AGBL3: variants seen among roughly 807,000 people sequenced by gnomAD.
AGBL3 encodes the protein cytosolic carboxypeptidase 3.
In AGBL3, 68 loss-of-function variants were observed where a neutral mutation model predicts 94.5. That is an observed-to-expected ratio of 0.72 (90% CI 0.59 to 0.88). AGBL3 has a LOEUF of 0.88. Among genes scored for constraint, AGBL3 ranks in the 40% least tolerant of loss-of-function variants. AGBL3 has a pLI of 0.00. For missense variants in AGBL3, 934 were observed against 1,103.8 expected (o/e 0.85, Z 2.18); for synonymous variants, 354 against 370.7 (o/e 0.95, Z 0.52).
intron 16 of AGBL3, among the ~76,000 whole-genome samples, chr7:135,118,340 C>T (rs542327760): frequency 1.6e-4 from 25 of 152,132 alleles, no homozygotes; most frequent in Admixed American, 4.6e-4. Flanking sequence ...CTAAAAATCA[C>T]GCCATGTCCT....
chr7:135,085,751 C>T (rs1053781286), intron 15 of AGBL3, among the ~76,000 whole-genome samples: 2 of 151,872 alleles, frequency 1.3e-5, no homozygotes, highest in Admixed American at 1.3e-4. Flanking sequence ...ATTACTATTG[C>T]CTTCATTTTG....
intron 11 of AGBL3, among the ~76,000 whole-genome samples, chr7:135,052,384 C>T (rs546739922): frequency 6.6e-6 from 1 of 152,286 alleles, no homozygotes; most frequent in Non-Finnish European, 1.5e-5. Flanking sequence ...CTGTCCTCTA[C>T]TGATGGAACA....
intron 9 of AGBL3, 71 bp downstream of exon 9, chr7:135,044,222 A>T (rs1011103874): frequency 1.4e-6 from 2 of 1,433,568 alleles, no homozygotes; most frequent in Admixed American, 5.0e-5. Flanking sequence ...ATGTAAATGT[A>T]ACAGTACAGA....
intron 15 of AGBL3, among the ~76,000 whole-genome samples, chr7:135,091,625 T>C (rs980834355): frequency 1.3e-5 from 2 of 152,156 alleles, no homozygotes; most frequent in African/African-American, 4.8e-5. Context: ...TTTTTGACAA[T>C]TTCTAGCTGC....
intron 15 of AGBL3, among the ~76,000 whole-genome samples, chr7:135,100,930 T>C (rs1264461184): frequency 6.6e-6 from 1 of 152,200 alleles, no homozygotes; most frequent in Non-Finnish European, 1.5e-5. Flanking sequence ...GCCTACATCA[T>C]GAGACTGATC....
chr7:135,007,480 C>T (rs937475631), intron 4 of AGBL3, among the ~76,000 whole-genome samples: 3 of 151,852 alleles, frequency 2.0e-5, no homozygotes, highest in Non-Finnish European at 4.4e-5. Context: ...AGAAATCCTA[C>T]ACCCTTTCAT....
intron 12 of AGBL3, among the ~76,000 whole-genome samples, chr7:135,066,374 A>G (rs1351761722): frequency 6.6e-6 from 1 of 152,234 alleles, no homozygotes; most frequent in African/African-American, 2.4e-5. Context: ...ATTATATGAA[A>G]AGTTGTTCAA....
intron 5 of AGBL3, among the ~76,000 whole-genome samples, chr7:135,029,860 T>C (rs1815530907): frequency 6.6e-6 from 1 of 152,040 alleles, no homozygotes; most frequent in Non-Finnish European, 1.5e-5. Context: ...AATTTCAATA[T>C]TGTTATGTCT....
intron 4 of AGBL3, among the ~76,000 whole-genome samples, chr7:135,013,656 A>G (rs1476765193): frequency 1.3e-5 from 2 of 152,112 alleles, no homozygotes; most frequent in African/African-American, 4.8e-5. Context: ...GTCAGTTAGT[A>G]CAAGACACTT....
chr7:135,037,273 T>A, intron 7 of AGBL3, 145 bp from the exon 8 acceptor site: 1 of 550,644 alleles, frequency 1.8e-6, no homozygotes, highest in Non-Finnish European at 2.8e-6. Flanking sequence ...AAAAATTGTA[T>A]ATTAATAATA....
intron 5 of AGBL3, 76 bp downstream of exon 5, chr7:135,017,235 G>T (rs1260012071): frequency 9.1e-7 from 1 of 1,103,668 alleles, no homozygotes; most frequent in East Asian, 2.6e-5. Context: ...TATTTGTTTT[G>T]CTGTTTGTAG....
chr7:135,096,887 C>G (rs148698786), intron 15 of AGBL3, among the ~76,000 whole-genome samples: 1 of 151,810 alleles, frequency 6.6e-6, no homozygotes, highest in Non-Finnish European at 1.5e-5. Flanking sequence ...GAGCATATGA[C>G]AAAATATGCA....
chr7:134,991,592 T>C (rs1204569061), intron 3 of AGBL3, among the ~76,000 whole-genome samples: 1 of 152,204 alleles, frequency 6.6e-6, no homozygotes, highest in Non-Finnish European at 1.5e-5. Context: ...CCCTTCCTTC[T>C]TTCTGTCTGT....
chr7:135,051,860 T>A (rs928164372), intron 11 of AGBL3, among the ~76,000 whole-genome samples: 3 of 152,146 alleles, frequency 2.0e-5, no homozygotes, highest in Non-Finnish European at 4.4e-5. Context: ...GTTTAACATT[T>A]CTTTGTAATT....
intron 12 of AGBL3, among the ~76,000 whole-genome samples, chr7:135,073,466 G>C (rs924751208): frequency 4.2e-5 from 6 of 142,040 alleles, no homozygotes; most frequent in Non-Finnish European, 9.1e-5. Flanking sequence ...GCAAGACTCC[G>C]TCTCAAAATA....
intron 15 of AGBL3, among the ~76,000 whole-genome samples, chr7:135,102,549 T>C (rs1223967432): frequency 6.6e-6 from 1 of 151,894 alleles, no homozygotes. Context: ...GACAAGCCAG[T>C]AGACCATTTC....
At position 135,134,879 on chromosome 7, in the gene AGBL3, GCAC is replaced by G. The variant is rs1294132140; in HGVS notation, c.2382_2384del (p.Ser794_Thr795delinsArg). 2 of 1,550,740 alleles carry G rather than the reference GCAC, an allele frequency of 1.3e-6. No homozygotes were observed. Among genetic ancestry groups the G allele is most frequent in the Admixed American group, 2.0e-5 (1 of 50,888 alleles). On this transcript the variant is annotated inframe_deletion, in exon 17 of 17. Coordinates refer to ENST00000436302, the MANE Select transcript of AGBL3 (RefSeq NM_178563.4). ...ACTTGCAGAAATATAAAGAAATACA[GCAC>G]ATCTTGGACAGCACCCAGAAATCAC...
chr7:135,094,230 T>C (rs1025141790), intron 15 of AGBL3: 1 of 372,030 alleles, frequency 2.7e-6, no homozygotes, highest in African/African-American at 2.1e-5. Context: ...AAGTCAACAT[T>C]CCTGTCCTTA....
chr7:134,988,042 T>C, intron 2 of AGBL3, 46 bp downstream of exon 2: 1 of 1,300,328 alleles, frequency 7.7e-7, no homozygotes, highest in Non-Finnish European at 1.1e-6. Flanking sequence ...AAATTTGTAT[T>C]ATATAAATCC....
Sources: gnomAD v4.1 joint callset for allele counts (sites outside exome capture counted in the v4.1 genomes callset) on GRCh38, gnomAD v4.1.1 for gene constraint, MANE v1.5 for transcripts, NCBI Gene and HGNC (gene_info 2026-07-23, HGNC 2026-07-21) for gene names.